The following PLCB4 variants were observed in gnomAD, a reference collection of about 807,000 sequenced individuals.
The protein encoded by PLCB4 is phospholipase C beta 4, also known as 1-phosphatidylinositol 4,5-bisphosphate phosphodiesterase beta-4.
A neutral mutation model predicts 178.8 loss-of-function variants in PLCB4; 77 were observed. The ratio of observed to expected loss-of-function variants is 0.43; its 90% CI spans 0.36 to 0.52. The LOEUF is 0.52. PLCB4 is among the 20% of genes least tolerant of loss of function. The pLI, the probability that PLCB4 is intolerant of heterozygous loss-of-function variation, is 0.00. For synonymous variants in PLCB4, 496 were observed against 490.8 expected (o/e 1.01, Z -0.14); for missense variants, 1,024 against 1,453.4 (o/e 0.70, Z 4.80).
chr20:9,358,118 T>C (rs1255181658), intron 7 of PLCB4, among the ~76,000 whole-genome samples: 1 of 152,212 alleles, frequency 6.6e-6, no homozygotes, highest in East Asian at 1.9e-4. Context: ...AATGTGTGTG[T>C]GCAAAAGAAT....
At chr20:9,295,228 T>C (rs2094620365) in intron 3 of PLCB4, among the ~76,000 whole-genome samples, 1 of 152,198 alleles carries the variant, frequency 6.6e-6, no homozygotes, top group Admixed American at 6.6e-5. Flanking sequence ...CAAAAAGGGC[T>C]GAACTCTCCC....
chr20:9,390,008 C>A, intron 16 of PLCB4, 50 bp downstream of exon 16: 2 of 916,564 alleles, frequency 2.2e-6, no homozygotes, highest in Non-Finnish European at 3.6e-6. Flanking sequence ...TGTTTCCTAA[C>A]CCCTAATGCC....
intron 35 of PLCB4, among the ~76,000 whole-genome samples, chr20:9,460,265 G>T (rs2043307553): frequency 6.6e-6 from 1 of 152,180 alleles, no homozygotes; most frequent in South Asian, 2.1e-4. Context: ...TTTTCAGAGT[G>T]GTCATGGAGA....
At chr20:9,124,458 G>A (rs1416660341) in intron 2 of PLCB4, among the ~76,000 whole-genome samples, 1 of 152,176 alleles carries the variant, frequency 6.6e-6, no homozygotes, top group African/African-American at 2.4e-5. Flanking sequence ...GATGGTGCCA[G>A]TACGTTCCAG....
chr20:9,272,966 T>G (rs576356643), intron 3 of PLCB4, among the ~76,000 whole-genome samples: 1 of 152,134 alleles, frequency 6.6e-6, no homozygotes, highest in Non-Finnish European at 1.5e-5. Context: ...CTATATTTTG[T>G]TTTTGGAAAA....
At chr20:9,351,382 C>T (rs559310655) in intron 7 of PLCB4, among the ~76,000 whole-genome samples, 4 of 151,938 alleles carry the variant, frequency 2.6e-5, no homozygotes, top group African/African-American at 4.8e-5. Flanking sequence ...GATGAGACAC[C>T]ATTAACATCT....
intron 8 of PLCB4, 40 bp downstream of exon 8, chr20:9,363,015 T>A: frequency 7.2e-7 from 1 of 1,396,708 alleles, no homozygotes; most frequent in Non-Finnish European, 1.0e-6. Context: ...TTGGCAGTTA[T>A]CAAACAAATG....
chr20:9,128,204 TTCTC>T (rs1308358778), intron 2 of PLCB4, among the ~76,000 whole-genome samples: 1 of 151,626 alleles, frequency 6.6e-6, no homozygotes, highest in African/African-American at 2.4e-5. Flanking sequence ...ATGTCCCCTC[TTCTC>T]TCTCTCTCAG....
In PLCB4 at chr20:9,411,025, G is replaced by T; in HGVS notation, c.2000-12G>T. 1 of 1,602,804 alleles carries T rather than the reference G, an allele frequency of 6.2e-7. No individual in the cohort carries two copies. The highest frequency in any genetic ancestry group is 8.5e-7 in the Non-Finnish European group (1 of 1,170,150). ...GAAGACAAGATGCTAAATTATTTTT[G>T]TCTCTTGACAGATTTAGCGATGCAA... On this transcript the variant is annotated splice_polypyrimidine_tract_variant and intron_variant, in intron 24 of 39. Coordinates refer to ENST00000378473, the MANE Select transcript of PLCB4 (RefSeq NM_001377142.1).
At chr20:9,434,275 G>A (rs1041461281) in intron 28 of PLCB4, among the ~76,000 whole-genome samples, 5 of 152,206 alleles carry the variant, frequency 3.3e-5, no homozygotes, top group Non-Finnish European at 1.5e-5. Context: ...GATAATAATA[G>A]TTACCTTCTG....
At chr20:9,240,624 G>C (rs1601384310) in intron 3 of PLCB4, among the ~76,000 whole-genome samples, 1 of 152,138 alleles carries the variant, frequency 6.6e-6, no homozygotes, top group African/African-American at 2.4e-5. Context: ...GCCCACTTCA[G>C]TTCCCTCTGG....
intron 36 of PLCB4, among the ~76,000 whole-genome samples, chr20:9,472,262 A>C (rs1298443121): frequency 6.6e-6 from 1 of 152,204 alleles, no homozygotes; most frequent in African/African-American, 2.4e-5. Flanking sequence ...CTAGAAATTC[A>C]GACCTCCCAC....
intron 12 of PLCB4, among the ~76,000 whole-genome samples, chr20:9,378,118 GTCTGAGT>G (rs1389648380): frequency 6.6e-6 from 1 of 152,112 alleles, no homozygotes; most frequent in Non-Finnish European, 1.5e-5. Flanking sequence ...GCACAAAAAT[GTCTGAGT>G]TCTGTCTCCT....
intron 3 of PLCB4, among the ~76,000 whole-genome samples, chr20:9,288,024 T>C (rs2094549759): frequency 6.6e-6 from 1 of 152,110 alleles, no homozygotes; most frequent in Non-Finnish European, 1.5e-5. Flanking sequence ...AGCAGGATTG[T>C]GGCACCTTGC....
intron 2 of PLCB4, among the ~76,000 whole-genome samples, chr20:9,206,413 C>T (rs968686871): frequency 6.7e-6 from 1 of 150,278 alleles, no homozygotes; most frequent in South Asian, 2.1e-4. Flanking sequence ...CTTGCAACCA[C>T]TCCCATGGCA....
At chr20:9,260,432 T>A (rs2094285371) in intron 3 of PLCB4, among the ~76,000 whole-genome samples, 1 of 152,122 alleles carries the variant, frequency 6.6e-6, no homozygotes, top group South Asian at 2.1e-4. Context: ...AATTTTAGAA[T>A]GTGTGTGCCA....
chr20:9,301,562 G>C (rs1461929316), intron 3 of PLCB4, among the ~76,000 whole-genome samples: 1 of 152,096 alleles, frequency 6.6e-6, no homozygotes, highest in Non-Finnish European at 1.5e-5. Flanking sequence ...ACTCAGGACA[G>C]AGTAGGCCAA....
intron 7 of PLCB4, among the ~76,000 whole-genome samples, chr20:9,346,264 C>T (rs560719934): frequency 1.6e-4 from 24 of 152,326 alleles, no homozygotes; most frequent in East Asian, 7.7e-4. Context: ...AGCGGCCTTC[C>T]AAGTGATTCT....
chr20:9,405,342 C>A lies in PLCB4; in HGVS notation c.1641C>A (p.Asn547Lys). The stretch of plus-strand genomic sequence containing the variant: ...CAGATGACCTTGAACATGAAAACAA[C>A]AAAAAGGTAACAAAATAATTCCCTT... ...KASDDLEHEN[N>K]KKGLVTVEDE... is the part of the protein sequence containing the mutation. Residue 547 changes from asparagine (N) to lysine (K), a missense_variant, in exon 21 of 40, where the codon AAC (asparagine) becomes AAA (lysine). Coordinates refer to ENST00000378473, the MANE Select transcript of PLCB4 (RefSeq NM_001377142.1). The A allele has an allele frequency of 2.0e-6, 3 of 1,533,034 alleles. No individual in the cohort carries two copies. The highest frequency in any genetic ancestry group is 2.7e-6 in the Non-Finnish European group (3 of 1,126,040). The allele number at this position is 1,533,034 out of a possible 1,614,324, so 95.0% of individuals were successfully genotyped here.
Sources: gnomAD v4.1 joint callset for allele counts (sites outside exome capture counted in the v4.1 genomes callset) on GRCh38, gnomAD v4.1.1 for gene constraint, MANE v1.5 for transcripts, NCBI Gene and HGNC (gene_info 2026-07-23, HGNC 2026-07-21) for gene names.